The following NAALADL2 variants were observed in gnomAD, a reference collection of about 807,000 sequenced individuals.
NAALADL2 encodes inactive N-acetylated-alpha-linked acidic dipeptidase-like protein 2.
Under a neutral mutation model 87.2 loss-of-function variants are expected in NAALADL2, and 76 were observed. The ratio of observed to expected loss-of-function variants is 0.87; its 90% confidence interval spans 0.72 to 1.05. NAALADL2 has a LOEUF of 1.05. Among genes scored for constraint, NAALADL2 ranks in the 50% least tolerant of loss-of-function variants. The pLI, the probability that NAALADL2 is intolerant of heterozygous loss-of-function variation, is 0.00. For missense variants in NAALADL2, 1,089 were observed against 945.8 expected (o/e 1.15, Z -1.99); for synonymous variants, 354 against 331.0 (o/e 1.07, Z -0.75).
At chr3:175,143,551 CA>C (rs200363916) in intron 2 of NAALADL2, among the ~76,000 whole-genome samples, 36,880 of 113,182 alleles carry the variant, frequency 0.33, 4,285 homozygotes, top group Middle Eastern at 0.42. Context: ...CAATGTTAGC[CA>C]AAAAAAAAAA....
In NAALADL2 at chr3:175,393,276, G is replaced by A. The variant is rs192882369; in HGVS notation, c.1091-53953G>A. ...GGCCTGGGCGACAGAGCGAGACTCC[G>A]TCTCAAAAAAAAAAAAAAAAAAAAA... On this transcript the variant is annotated intron_variant, in intron 5 of 13. Transcript: ENST00000454872. Among the ~76,000 whole-genome samples, 322 of 44,190 alleles carry A rather than the reference G, an allele frequency of 7.3e-3. 10 individuals are homozygous for A. In the East Asian group the frequency reaches 0.17, roughly 23 times the overall value. The allele number at this position is 44,190 out of a possible 152,430, so 29.0% of individuals were successfully genotyped here. A position where few individuals can be genotyped will look rare whatever the true frequency, so the allele number is the denominator to read the frequency against.
At chr3:174,651,172 T>A (rs1229759122) in intron 2 of NAALADL2, among the ~76,000 whole-genome samples, 1 of 152,214 alleles carries the variant, frequency 6.6e-6, no homozygotes, top group Non-Finnish European at 1.5e-5. Flanking sequence ...TGATGATATG[T>A]TCACATGTAA....
At chr3:175,244,780 G>A (rs970859298) in intron 3 of NAALADL2, among the ~76,000 whole-genome samples, 20 of 152,104 alleles carry the variant, frequency 1.3e-4, no homozygotes, top group African/African-American at 3.9e-4. Flanking sequence ...CCTTAGCAAC[G>A]TCTTCCCTGA....
At chr3:174,603,344 G>T (rs1367735434) in intron 2 of NAALADL2, among the ~76,000 whole-genome samples, 4 of 151,856 alleles carry the variant, frequency 2.6e-5, no homozygotes, top group African/African-American at 9.7e-5. Context: ...TTGGTAGGTT[G>T]TATGTGTCTA....
At chr3:175,061,795 A>G (rs1428418779) in intron 1 of NAALADL2, among the ~76,000 whole-genome samples, 1 of 150,472 alleles carries the variant, frequency 6.6e-6, no homozygotes, top group Non-Finnish European at 1.5e-5. Flanking sequence ...TAAATCCATG[A>G]GCTTATGCCT....
At chr3:175,006,146 C>T (rs553539303) in intron 1 of NAALADL2, among the ~76,000 whole-genome samples, 5 of 152,194 alleles carry the variant, frequency 3.3e-5, no homozygotes, top group African/African-American at 1.2e-4. Flanking sequence ...CTGTTTGAGA[C>T]CTTGAAGCTC....
chr3:175,606,684 T>G (rs1723787305), intron 10 of NAALADL2, among the ~76,000 whole-genome samples: 3 of 152,094 alleles, frequency 2.0e-5, no homozygotes, highest in Admixed American at 6.6e-5. Flanking sequence ...TGTATTTAAT[T>G]TATTCTAAAT....
At chr3:175,306,467 C>T (rs886865705) in intron 4 of NAALADL2, among the ~76,000 whole-genome samples, 1 of 152,126 alleles carries the variant, frequency 6.6e-6, no homozygotes, top group Non-Finnish European at 1.5e-5. Context: ...AGAATCCATA[C>T]TCATTTTGTC....
At chr3:174,590,527 T>G (rs1717249974) in intron 2 of NAALADL2, among the ~76,000 whole-genome samples, 1 of 152,190 alleles carries the variant, frequency 6.6e-6, no homozygotes, top group Non-Finnish European at 1.5e-5. Context: ...TTTGTCCCTC[T>G]TATTATATTA....
intron 11 of NAALADL2, among the ~76,000 whole-genome samples, chr3:175,647,385 A>G (rs987205612): frequency 1.8e-4 from 28 of 152,284 alleles, no homozygotes; most frequent in African/African-American, 6.3e-4. Flanking sequence ...ACAGAAATGT[A>G]TATTGATTTA....
In NAALADL2 at chr3:175,803,758, A is replaced by G. The variant is rs2108363795; in HGVS notation, c.*555A>G. ...CTTCTTAACACAACTAGATGTAGTA[A>G]TACACTGGTTATGAAATTGTATTTT... is the stretch of plus-strand genomic sequence containing the variant. On this transcript the variant is annotated 3_prime_UTR_variant, in exon 14 of 14. Transcript: ENST00000454872. The G allele has an allele frequency of 6.6e-6, 1 of 152,588 alleles. No individual in the cohort carries two copies. Among genetic ancestry groups the G allele is most frequent in the African/African-American group, 2.4e-5 (1 of 41,540 alleles). The allele number at this position is 152,588 out of a possible 1,614,324, so 9.5% of individuals were successfully genotyped here. A position where few individuals can be genotyped will look rare whatever the true frequency, so the allele number is the denominator to read the frequency against.
At chr3:175,772,671 A>G (rs979232988) in intron 13 of NAALADL2, among the ~76,000 whole-genome samples, 2 of 152,150 alleles carry the variant, frequency 1.3e-5, no homozygotes, top group African/African-American at 4.8e-5. Context: ...GATCTCAGAG[A>G]CATCAGTTAT....
chr3:175,031,058 G>A (rs1005089705), intron 1 of NAALADL2, among the ~76,000 whole-genome samples: 2 of 151,960 alleles, frequency 1.3e-5, no homozygotes, highest in African/African-American at 4.8e-5. Context: ...TATCATGCAT[G>A]ATATTATAAA....
At chr3:174,779,519 T>A (rs557547133) in intron 3 of NAALADL2, among the ~76,000 whole-genome samples, 1 of 152,322 alleles carries the variant, frequency 6.6e-6, no homozygotes, top group South Asian at 2.1e-4. Flanking sequence ...TTGCCATTGC[T>A]TTTGGTGTTT....
chr3:175,462,078 T>G (rs1723224591), intron 6 of NAALADL2, among the ~76,000 whole-genome samples: 1 of 152,118 alleles, frequency 6.6e-6, no homozygotes, highest in Non-Finnish European at 1.5e-5. Context: ...ACACAAAAAG[T>G]GAATACCAAT....
At chr3:175,369,291 T>G (rs1288675918) in intron 5 of NAALADL2, among the ~76,000 whole-genome samples, 1 of 151,284 alleles carries the variant, frequency 6.6e-6, no homozygotes, top group South Asian at 2.1e-4. Context: ...ACACCTGATA[T>G]GTGCATGTGT....
At chr3:175,274,954 T>C (rs1268686146) in intron 4 of NAALADL2, among the ~76,000 whole-genome samples, 1 of 152,330 alleles carries the variant, frequency 6.6e-6, no homozygotes, top group Admixed American at 6.5e-5. Context: ...AGACAAATAC[T>C]ACAAAGTAAA....
chr3:174,510,063 C>T (rs1023314396), intron 1 of NAALADL2, among the ~76,000 whole-genome samples: 2 of 151,524 alleles, frequency 1.3e-5, no homozygotes, highest in African/African-American at 4.9e-5. Context: ...TTTTTTGAAT[C>T]ATAAGTCCAT....
intron 2 of NAALADL2, among the ~76,000 whole-genome samples, chr3:174,559,741 C>A (rs1362023138): frequency 6.6e-6 from 1 of 152,134 alleles, no homozygotes; most frequent in East Asian, 1.9e-4. Context: ...AGGAGGGTCC[C>A]TTTTATAAGG....
Sources: gnomAD v4.1 joint callset for allele counts (sites outside exome capture counted in the v4.1 genomes callset) on GRCh38, gnomAD v4.1.1 for gene constraint, MANE v1.5 for transcripts, NCBI Gene and HGNC (gene_info 2026-07-23, HGNC 2026-07-21) for gene names.